The following IGF1R variants were observed in gnomAD, a reference collection of about 807,000 sequenced individuals.
IGF1R encodes the protein insulin-like growth factor 1 receptor.
Under a neutral mutation model 144.6 loss-of-function variants are expected in IGF1R, and 44 were observed. That is an observed-to-expected ratio of 0.30 (90% CI 0.24 to 0.39). The LOEUF (loss-of-function observed/expected upper bound fraction) is 0.39, where lower values mean the gene tolerates loss of function less well. Ranked by LOEUF, IGF1R falls within the 10% of genes least tolerant of loss-of-function variation. The pLI is 1.00. For missense variants in IGF1R, 1,355 were observed against 1,833.7 expected (o/e 0.74, Z 4.77); for synonymous variants, 795 against 722.8 (o/e 1.10, Z -1.60).
At chr15:98,946,742 G>C (rs1432525098) in intron 19 of IGF1R, among the ~76,000 whole-genome samples, 1 of 152,166 alleles carries the variant, frequency 6.6e-6, no homozygotes, top group African/African-American at 2.4e-5. Flanking sequence ...TGGGAACTTG[G>C]AATGGAGCAG....
chr15:98,956,307 T>G (rs766669581), intron 20 of IGF1R, among the ~76,000 whole-genome samples: 2 of 152,234 alleles, frequency 1.3e-5, no homozygotes, highest in African/African-American at 2.4e-5. Context: ...GCCTGTCCCT[T>G]GCGTGTGGAG....
chr15:98,934,659 C>CTA (rs1214282030), intron 15 of IGF1R, among the ~76,000 whole-genome samples, 165 bp from the exon 16 acceptor site: 1 of 152,172 alleles, frequency 6.6e-6, no homozygotes, highest in African/African-American at 2.4e-5. Flanking sequence ...TTACTCAAAT[C>CTA]TATAGCATGT....
intron 2 of IGF1R, among the ~76,000 whole-genome samples, chr15:98,847,620 T>C (rs1294225809): frequency 6.6e-6 from 1 of 152,204 alleles, no homozygotes; most frequent in African/African-American, 2.4e-5. Flanking sequence ...TCGAGGACTT[T>C]TGAAATTCGA....
intron 2 of IGF1R, among the ~76,000 whole-genome samples, chr15:98,718,406 C>T (rs373109219): frequency 3.9e-5 from 6 of 152,206 alleles, no homozygotes; most frequent in East Asian, 3.9e-4. Flanking sequence ...TTTGTTTTTG[C>T]AAGTCCTAAT....
intron 2 of IGF1R, among the ~76,000 whole-genome samples, chr15:98,747,633 G>A (rs2054902624): frequency 6.6e-6 from 1 of 152,170 alleles, no homozygotes; most frequent in Non-Finnish European, 1.5e-5. Context: ...GTGTCGGGTG[G>A]TCCTGAAGAG....
At chr15:98,933,819 G>T (rs2016035709) in intron 15 of IGF1R, among the ~76,000 whole-genome samples, 1 of 152,106 alleles carries the variant, frequency 6.6e-6, no homozygotes, top group African/African-American at 2.4e-5. Context: ...TGTCCACGCT[G>T]GGCACCACCG....
chr15:98,920,425 G>A (rs1396982501), intron 10 of IGF1R, among the ~76,000 whole-genome samples: 1 of 152,182 alleles, frequency 6.6e-6, no homozygotes, highest in African/African-American at 2.4e-5. Context: ...AATGGGGGTG[G>A]GCTGAGCCGG....
At chr15:98,692,006 A>G (rs2053488611) in intron 1 of IGF1R, among the ~76,000 whole-genome samples, 1 of 152,014 alleles carries the variant, frequency 6.6e-6, no homozygotes, top group South Asian at 2.1e-4. Flanking sequence ...TAGATTGGTA[A>G]TTTTTTTGTG....
At chr15:98,928,903 G>T (rs2015832056) in intron 13 of IGF1R, among the ~76,000 whole-genome samples, 1 of 152,170 alleles carries the variant, frequency 6.6e-6, no homozygotes, top group Admixed American at 6.5e-5. Context: ...GTGCCGTCCA[G>T]TGTGTGCATG....
At chr15:98,940,841 C>T (rs2016339313) in intron 18 of IGF1R, among the ~76,000 whole-genome samples, 1 of 152,198 alleles carries the variant, frequency 6.6e-6, no homozygotes, top group South Asian at 2.1e-4. Flanking sequence ...CCAGTGTGTC[C>T]CTAGGTTTGG....
At chr15:98,717,983 G>A (rs753852275) in intron 2 of IGF1R, among the ~76,000 whole-genome samples, 3 of 152,174 alleles carry the variant, frequency 2.0e-5, no homozygotes, top group Non-Finnish European at 4.4e-5. Context: ...GTGTGTTTGT[G>A]TATGTGCGTA....
chr15:98,738,961 A>G lies in IGF1R; in HGVS notation c.640+30854A>G, dbSNP rs757434767. On this transcript the variant is annotated intron_variant, in intron 2 of 20. Coordinates refer to ENST00000650285, the MANE Select transcript of IGF1R (RefSeq NM_000875.5). ...CAAACTCTAAGATGTATACTCTTAC[A>G]TACCAAAACACAAAGAAACAACAGG... Among the ~76,000 whole-genome samples, 5 of 123,806 alleles carry G rather than the reference A, an allele frequency of 4.0e-5. No homozygotes were observed. In the Admixed American group the frequency reaches 4.3e-4, roughly 11 times the overall value. 81.2% of individuals were successfully genotyped at this position (123,806 alleles called of 152,430 possible).
chr15:98,690,301 C>T (rs148806827), intron 1 of IGF1R, among the ~76,000 whole-genome samples: 6 of 151,914 alleles, frequency 3.9e-5, no homozygotes, highest in African/African-American at 1.5e-4. Context: ...CATGTCTGTG[C>T]CACTGTACTC....
intron 19 of IGF1R, among the ~76,000 whole-genome samples, chr15:98,947,196 TA>T (rs1440201244): frequency 6.6e-6 from 1 of 152,182 alleles, no homozygotes; most frequent in African/African-American, 2.4e-5. Flanking sequence ...CACTTGTAAT[TA>T]AAAAGGACCT....
chr15:98,683,631 A>G (rs1261359671), intron 1 of IGF1R, among the ~76,000 whole-genome samples: 2 of 152,256 alleles, frequency 1.3e-5, no homozygotes, highest in Non-Finnish European at 2.9e-5. Flanking sequence ...TATGAATTGC[A>G]ATCAAGTCGG....
At chr15:98,955,712 C>T (rs1233999450) in intron 20 of IGF1R, among the ~76,000 whole-genome samples, 1 of 152,362 alleles carries the variant, frequency 6.6e-6, no homozygotes, top group Non-Finnish European at 1.5e-5. Flanking sequence ...GGCCAGCTTC[C>T]AGGCCCAGTG....
At chr15:98,650,668 G>A (rs1401531590) in intron 1 of IGF1R, among the ~76,000 whole-genome samples, 3 of 152,370 alleles carry the variant, frequency 2.0e-5, no homozygotes, top group African/African-American at 7.2e-5. Flanking sequence ...GAGAGGTGTC[G>A]TACGCTGTGG....
chr15:98,736,610 C>CTTTTTTTTTTTTTTTTTTTTTTTTTT, intron 2 of IGF1R, among the ~76,000 whole-genome samples: 1 of 138,980 alleles, frequency 7.2e-6, no homozygotes, highest in Non-Finnish European at 1.6e-5. Flanking sequence ...TTTCTTTTTT[C>CTTTTTTTTTTTTTTTTTTTTTTTTTT]TTTTTTCTTT....
At chr15:98,845,088 A>G (rs2011259428) in intron 2 of IGF1R, among the ~76,000 whole-genome samples, 1 of 152,174 alleles carries the variant, frequency 6.6e-6, no homozygotes, top group South Asian at 2.1e-4. Flanking sequence ...CCTGGGCAGT[A>G]CCCAAAACTT....
Sources: allele counts gnomAD v4.1 joint callset (sites outside exome capture counted in the v4.1 genomes callset), GRCh38; gene constraint gnomAD v4.1.1; transcripts MANE v1.5; gene names NCBI Gene and HGNC (gene_info 2026-07-23, HGNC 2026-07-21).